Variants in PCK2 observed in about 807,000 individuals in gnomAD.
PCK2 encodes the protein phosphoenolpyruvate carboxykinase 2, mitochondrial, also known as phosphoenolpyruvate carboxykinase [GTP], mitochondrial.
In PCK2, 56 loss-of-function variants were observed where a neutral mutation model predicts 65.9. The observed-to-expected ratio is 0.85, with a 90% CI of 0.69 to 1.06. The LOEUF is 1.06. Among genes scored for constraint, PCK2 ranks in the 50% least tolerant of loss-of-function variants. The pLI, the probability that PCK2 is intolerant of heterozygous loss-of-function variation, is 0.00. For missense variants in PCK2, 843 were observed against 863.1 expected, an observed-to-expected ratio of 0.98 and a Z score of 0.29; for synonymous variants, 305 against 319.6, an observed-to-expected ratio of 0.95 and a Z score of 0.49.
In PCK2 at chr14:24,094,567, GC is replaced by G; in HGVS notation, c.29+134del. ...TAGGCGGAGGCGGGCAGGGGCGACT[GC>G]TGTGGGTCCAGCCTCCCGCGCCGCG... On this transcript the variant is annotated intron_variant, in intron 1 of 9. Transcript: ENST00000216780. The surrounding 1 kb of genome is among the most constrained non-coding windows in gnomAD (Gnocchi z 4.1). 8 of 1,445,382 alleles carry G rather than the reference GC, an allele frequency of 5.5e-6. No individual in the cohort carries two copies. The highest frequency in any genetic ancestry group is 7.3e-6 in the Non-Finnish European group (8 of 1,103,240). The allele number at this position is 1,445,382 out of a possible 1,614,324, so 89.5% of individuals were successfully genotyped here. A position where few individuals can be genotyped will look rare whatever the true frequency, so the allele number is the denominator to read the frequency against.
chr14:24,102,282 C>G (rs1291303607), intron 7 of PCK2, among the ~76,000 whole-genome samples: 5 of 152,198 alleles, frequency 3.3e-5, no homozygotes, highest in Non-Finnish European at 7.3e-5. Flanking sequence ...TTAGGAGAAC[C>G]TGTCTTCCCC....
intron 5 of PCK2, 89 bp from the exon 6 acceptor site, chr14:24,099,469 C>T: frequency 4.0e-6 from 5 of 1,251,124 alleles, no homozygotes; most frequent in Non-Finnish European, 5.6e-6. Context: ...ATTGGTCCTC[C>T]CTATTAGACC....
intron 5 of PCK2, 72 bp downstream of exon 5, chr14:24,099,308 G>A (rs1275897098): frequency 9.2e-6 from 13 of 1,414,892 alleles, no homozygotes; most frequent in Non-Finnish European, 1.3e-5. Context: ...GTCTGCCTCA[G>A]CCTCACCTCC....
rs772944966 is a variant in PCK2 at position 24,099,694 on chromosome 14, T to G, written c.989T>G (p.Ile330Ser). The G allele has an allele frequency of 1.1e-5, 17 of 1,613,948 alleles. No individual in the cohort carries two copies. The highest frequency in any genetic ancestry group is 3.3e-5 in the Admixed American group (2 of 60,008). Residue 330 changes from isoleucine (I) to serine (S), a missense_variant, in exon 6 of 10, where the codon ATT becomes AGT. Physicochemically the swap from Ile to Ser is moderately radical, Grantham distance 142. Transcript: ENST00000216780. ...GWKVECVGDD[I>S]AWMRFDSEGR... Reference sequence around the variant, plus strand: ...AAAGTGGAGTGTGTGGGGGATGATATTGCTTGGATGAGGTTTGACAGTGAA... The same window carrying G: ...AAAGTGGAGTGTGTGGGGGATGATAGTGCTTGGATGAGGTTTGACAGTGAA...
In PCK2 at chr14:24,094,701, C is replaced by T; in HGVS notation, c.29+267C>T. On this transcript the variant is annotated intron_variant, in intron 1 of 9. Coordinates refer to ENST00000216780, the MANE Select transcript of PCK2 (RefSeq NM_004563.4). This position sits in a 1 kb window ranked among gnomAD's most constrained non-coding sequence, Gnocchi z 4.1. ...CGATCTCTATCTGCCACTCTCAGAA[C>T]TTCCTCTCTCTCCTCGCTCCTCTCT... 4 of 1,516,134 alleles carry T rather than the reference C, an allele frequency of 2.6e-6. No individual in the cohort carries two copies. The East Asian group carries it at 1.0e-4, about 38-fold the overall frequency. 93.9% of individuals were successfully genotyped at this position (1,516,134 alleles called of 1,614,324 possible).
At chr14:24,099,484 C>T in intron 5 of PCK2, 74 bp from the exon 6 acceptor site, 1 of 1,384,796 alleles carries the variant, frequency 7.2e-7, no homozygotes, top group Non-Finnish European at 9.9e-7. Flanking sequence ...TAGACCCTAG[C>T]TGCCCTTCCC....
intron 8 of PCK2, 88 bp from the exon 9 acceptor site, chr14:24,103,072 G>C: frequency 8.1e-7 from 1 of 1,242,232 alleles, no homozygotes; most frequent in South Asian, 1.2e-5. Flanking sequence ...GGTCTTAGGA[G>C]AGAGAGTACC....
chr14:24,099,275 A>C lies in PCK2; in HGVS notation c.852+39A>C, dbSNP rs74040009. 5.2e-3 allele frequency: 8,164 copies of C among 1,560,732 alleles called. 47 individuals carry two copies. Among genetic ancestry groups the C allele is most frequent in the African/African-American group, 0.029 (2,184 of 74,320 alleles). On this transcript the variant is annotated intron_variant, in intron 5 of 9. Transcript: ENST00000216780. ...GAGAAGCAGGGCAGCTGCCGGGGAC[A>C]GGGCAGGGGTGGGGCCTGGCCAGTC...
chr14:24,095,292 C>G (rs1185465562), intron 1 of PCK2: 2 of 451,866 alleles, frequency 4.4e-6, no homozygotes, highest in Non-Finnish European at 4.4e-6. Context: ...GAGCCAGGCT[C>G]CAGGGAGAGA....
intron 9 of PCK2, 106 bp downstream of exon 9, chr14:24,103,361 G>T: frequency 8.7e-7 from 1 of 1,143,946 alleles, no homozygotes. Flanking sequence ...GTCTGATATG[G>T]CCCCACCTCT....
chr14:24,103,932 G>C lies in PCK2; in HGVS notation c.1891G>C (p.Glu631Gln), dbSNP rs767241329. The C allele has an allele frequency of 6.2e-7, 1 of 1,613,916 alleles. No homozygotes were observed. The highest frequency in any genetic ancestry group is 1.3e-5 in the African/African-American group (1 of 74,922). The change falls in exon 10 of 10, where the codon GAG (glutamate) becomes CAG (glutamine). Residue 631 changes from glutamate (E) to glutamine (Q), a missense_variant. Glu to Gln is a conservative substitution (Grantham distance 29). Coordinates refer to ENST00000216780, the MANE Select transcript of PCK2 (RefSeq NM_004563.4). ...GCCCAAAGAGGTGTTGGCTGAGCTT[G>C]AGGCCCTGGAGAGACGTGTGCACAA... The part of the protein sequence containing the change: ...DLPKEVLAEL[E>Q]ALERRVHKM
intron 2 of PCK2, among the ~76,000 whole-genome samples, chr14:24,097,462 G>T (rs2036940333): frequency 6.6e-6 from 1 of 151,806 alleles, no homozygotes; most frequent in Non-Finnish European, 1.5e-5. Context: ...TACTTGGGAG[G>T]GTGAGGCAGG....
intron 1 of PCK2, chr14:24,095,181 A>G: frequency 2.2e-6 from 1 of 456,098 alleles, no homozygotes; most frequent in Non-Finnish European, 4.4e-6. Context: ...CATCTGTCGC[A>G]CAGCCCGTTC....
At chr14:24,096,457 G>C (rs1315716847) in intron 1 of PCK2, among the ~76,000 whole-genome samples, 2 of 151,978 alleles carry the variant, frequency 1.3e-5, no homozygotes, top group Admixed American at 6.6e-5. Context: ...GTATGGTCTT[G>C]ATCTCCTGAC....
chr14:24,094,344 C>T lies in PCK2; in HGVS notation c.-62C>T. 1 of 1,476,434 alleles carries T rather than the reference C, an allele frequency of 6.8e-7. No homozygotes were observed. 91.5% of individuals were successfully genotyped at this position (1,476,434 alleles called of 1,614,324 possible). ...CTTCGCCGCGCTCCCTCCTTCCCCG[C>T]CTTCCATACCTCCCCGGCTCCGCTC... On this transcript the variant is annotated 5_prime_UTR_variant, in exon 1 of 10. Coordinates refer to ENST00000216780, the MANE Select transcript of PCK2 (RefSeq NM_004563.4). This position sits in a 1 kb window ranked among gnomAD's most constrained non-coding sequence, Gnocchi z 4.1.
Position 24,099,657 on chromosome 14 carries a change from C to T in PCK2, c.952C>T (p.Leu318=), listed in dbSNP as rs752568875. The T allele has an allele frequency of 1.9e-6, 3 of 1,613,612 alleles. No individual in the cohort carries two copies. The highest frequency in any genetic ancestry group is 8.5e-7 in the Non-Finnish European group (1 of 1,179,534). ...KTNLAMMRPA[L]PGWKVECVGD... is the part of the protein sequence containing the mutation. Reference sequence around the variant, plus strand: ...CAACCTGGCTATGATGCGGCCTGCACTGCCAGGCTGGAAAGTGGAGTGTGT... The same window carrying T: ...CAACCTGGCTATGATGCGGCCTGCATTGCCAGGCTGGAAAGTGGAGTGTGT... Residue 318 remains leucine (L), a synonymous_variant, in exon 6 of 10, where the codon CTG becomes TTG. Coordinates refer to ENST00000216780, the MANE Select transcript of PCK2 (RefSeq NM_004563.4).
chr14:24,099,705 A>T lies in PCK2; in HGVS notation c.1000A>T (p.Arg334Trp), dbSNP rs1270251381. Residue 334 changes from arginine (R) to tryptophan (W), a missense_variant, in exon 6 of 10, where the codon AGG (arginine) becomes TGG (tryptophan). By Grantham distance (101) the Arg-to-Trp change is moderately radical. Coordinates refer to ENST00000216780, the MANE Select transcript of PCK2 (RefSeq NM_004563.4). Reference protein sequence around the residue: ...ECVGDDIAWMRFDSEGRLRAI... With the variant: ...ECVGDDIAWMWFDSEGRLRAI... ...TGTGGGGGATGATATTGCTTGGATG[A>T]GGTTTGACAGTGAAGGTGAGGGACT... is the stretch of plus-strand genomic sequence containing the variant. The T allele has an allele frequency of 6.2e-7, 1 of 1,613,434 alleles. No individual in the cohort carries two copies. The highest frequency in any genetic ancestry group is 8.5e-7 in the Non-Finnish European group (1 of 1,179,558).
chr14:24,098,677 A>G lies in PCK2; in HGVS notation c.663A>G (p.Gln221=). ...LHSVGQPLTG[Q]GEPVSQWPCN... ...CCGTGGGCCAGCCCCTGACAGGACA[A>G]GGTAAGCACCTGCTCTGCCCCAAGG... is the stretch of plus-strand genomic sequence containing the variant. The change falls in exon 4 of 10, where the codon CAA becomes CAG. Residue 221 remains glutamine, a splice_region_variant and synonymous_variant. Coordinates refer to ENST00000216780, the MANE Select transcript of PCK2 (RefSeq NM_004563.4). The G allele has an allele frequency of 6.2e-7, 1 of 1,613,164 alleles. No homozygotes were observed. Among genetic ancestry groups the G allele is most frequent in the South Asian group, 1.1e-5 (1 of 91,058 alleles).
In PCK2 at chr14:24,094,550, G is replaced by A. The variant is rs1053998867; in HGVS notation, c.29+116G>A. 7.7e-5 allele frequency: 111 copies of A among 1,438,038 alleles called. No homozygotes were observed. Among genetic ancestry groups the A allele is most frequent in the Non-Finnish European group, 9.2e-5 (101 of 1,100,548 alleles). The allele number at this position is 1,438,038 out of a possible 1,614,324, so 89.1% of individuals were successfully genotyped here. On this transcript the variant is annotated intron_variant, in intron 1 of 9. Transcript: ENST00000216780. The surrounding 1 kb of genome is among the most constrained non-coding windows in gnomAD (Gnocchi z 4.1). ...CGCCAGGTTTCCCATCCTAGGCGGA[G>A]GCGGGCAGGGGCGACTGCTGTGGGT...
Sources: gnomAD v4.1 joint callset for allele counts (sites outside exome capture counted in the v4.1 genomes callset) on GRCh38, gnomAD v4.1.1 for gene constraint, Gnocchi (gnomAD v3.1) non-coding constraint, MANE v1.5 for transcripts, NCBI Gene and HGNC (gene_info 2026-07-23, HGNC 2026-07-21) for gene names.